The following TACR1 variants were observed in gnomAD, a reference collection of about 807,000 sequenced individuals.
TACR1 encodes the protein substance-P receptor.
In TACR1, 25 loss-of-function variants were observed where a neutral mutation model predicts 35.8. The observed-to-expected ratio is 0.70, with a 90% confidence interval of 0.51 to 0.98. The LOEUF is 0.98. TACR1 is among the 50% of genes least tolerant of loss of function. The pLI is 0.00. For missense variants in TACR1, 478 were observed against 522.9 expected (o/e 0.91, Z 0.84); for synonymous variants, 195 against 206.7 (o/e 0.94, Z 0.48).
intron 2 of TACR1, among the ~76,000 whole-genome samples, chr2:75,107,509 TGAAAGAAGGAAGGGGGAATGGAG>T (rs1380083837): frequency 6.8e-6 from 1 of 147,220 alleles, no homozygotes. Context: ...GAGGCAAGGA[TGAAAGAAGGAAGGGGGAATGGAG>T]GAAGCAAGGA....
chr2:75,145,548 A>C (rs540026589), intron 1 of TACR1, among the ~76,000 whole-genome samples: 1 of 152,366 alleles, frequency 6.6e-6, no homozygotes, highest in East Asian at 1.9e-4. Context: ...AATGTGTTAA[A>C]GATCAATAAC....
intron 1 of TACR1, among the ~76,000 whole-genome samples, chr2:75,174,344 G>A (rs1675362565): frequency 6.6e-6 from 1 of 152,142 alleles, no homozygotes; most frequent in Non-Finnish European, 1.5e-5. Context: ...GGATGGTACT[G>A]AACCCTATAT....
intron 1 of TACR1, 24 bp downstream of exon 1, chr2:75,198,522 C>T (rs777009990): frequency 1.9e-6 from 3 of 1,605,050 alleles, no homozygotes; most frequent in South Asian, 2.2e-5. Context: ...CACTTTCTCG[C>T]CTTTTCACAA....
intron 2 of TACR1, among the ~76,000 whole-genome samples, chr2:75,072,453 A>G (rs1672901215): frequency 6.6e-6 from 1 of 152,208 alleles, no homozygotes; most frequent in African/African-American, 2.4e-5. Flanking sequence ...ATATAAGGAA[A>G]ATATAGGGCA....
intron 2 of TACR1, among the ~76,000 whole-genome samples, chr2:75,103,880 A>G: frequency 6.6e-6 from 1 of 152,134 alleles, no homozygotes; most frequent in East Asian, 1.9e-4. Flanking sequence ...CCTCATGGTA[A>G]CCACAAAGCA....
At position 75,198,844 on chromosome 2, in the gene TACR1, G is replaced by T. The variant is rs200409378; in HGVS notation, c.91C>A (p.Gln31Lys). 1 of 1,614,146 alleles carries T rather than the reference G, an allele frequency of 6.2e-7. No homozygotes were observed. The highest frequency in any genetic ancestry group is 8.5e-7 in the Non-Finnish European group (1 of 1,180,032). The change falls in exon 1 of 5, where the codon CAA becomes AAA. Residue 31 changes from glutamine (Q) to lysine (K), a missense_variant. Transcript: ENST00000305249. The stretch of plus-strand genomic sequence containing the variant: ...TAGGCAGCTGCCCAAAGGACAATTT[G>T]CCAGGCTGGTTGCACGAACTGATTG... ...EPNQFVQPAW[Q>K]IVLWAAAYTV...
intron 1 of TACR1, among the ~76,000 whole-genome samples, chr2:75,148,691 A>C (rs967896590): frequency 6.6e-6 from 1 of 152,096 alleles, no homozygotes; most frequent in African/African-American, 2.4e-5. Flanking sequence ...TTCTGATGAT[A>C]GTTTCTTTTG....
chr2:75,184,126 G>A (rs1675627124), intron 1 of TACR1, among the ~76,000 whole-genome samples: 1 of 152,206 alleles, frequency 6.6e-6, no homozygotes, highest in Non-Finnish European at 1.5e-5. Flanking sequence ...AAATCTAATA[G>A]TGTGCTAAAA....
intron 2 of TACR1, among the ~76,000 whole-genome samples, chr2:75,095,470 G>A (rs1358715876): frequency 6.6e-6 from 1 of 152,184 alleles, no homozygotes; most frequent in Non-Finnish European, 1.5e-5. Context: ...TTGGAGAAGG[G>A]TAGGGTTGGA....
At chr2:75,109,481 A>G (rs973337832) in intron 2 of TACR1, among the ~76,000 whole-genome samples, 1 of 152,190 alleles carries the variant, frequency 6.6e-6, no homozygotes, top group African/African-American at 2.4e-5. Flanking sequence ...AAAAAGGGAA[A>G]ATGGTTGGAT....
At chr2:75,172,698 A>T (rs1238784215) in intron 1 of TACR1, among the ~76,000 whole-genome samples, 1 of 152,182 alleles carries the variant, frequency 6.6e-6, no homozygotes, top group Non-Finnish European at 1.5e-5. Flanking sequence ...AGCATCTGCA[A>T]TACCTGCTTC....
At chr2:75,169,469 A>C (rs951884310) in intron 1 of TACR1, among the ~76,000 whole-genome samples, 1 of 152,210 alleles carries the variant, frequency 6.6e-6, no homozygotes, top group Admixed American at 6.5e-5. Flanking sequence ...TAAAAATTCT[A>C]TATGGATTTT....
chr2:75,153,234 C>T (rs1194609526), intron 1 of TACR1, among the ~76,000 whole-genome samples: 1 of 152,158 alleles, frequency 6.6e-6, no homozygotes, highest in Non-Finnish European at 1.5e-5. Context: ...TAGGCAAAAG[C>T]TCAGCAGAGG....
chr2:75,069,560 C>G (rs1672834410), intron 2 of TACR1, among the ~76,000 whole-genome samples: 2 of 138,620 alleles, frequency 1.4e-5, no homozygotes. Flanking sequence ...CTGAGATATC[C>G]TTAGTTTTTC....
chr2:75,107,997 AT>A (rs3836193), intron 2 of TACR1, among the ~76,000 whole-genome samples: 183 of 152,170 alleles, frequency 1.2e-3, no homozygotes, highest in African/African-American at 4.2e-3. Flanking sequence ...TATGAAATAG[AT>A]TTTTTTCTTA....
At position 75,051,275 on chromosome 2, in the gene TACR1, A is replaced by C; in HGVS notation, c.908T>G (p.Ile303Ser). Residue 303 changes from isoleucine to serine, a missense_variant, in exon 4 of 5, where the codon ATC (isoleucine) becomes AGC (serine). By Grantham distance (142) the Ile-to-Ser change is moderately radical (BLOSUM62 -2). Coordinates refer to ENST00000305249, the MANE Select transcript of TACR1 (RefSeq NM_001058.4). ...CCTGTCATTGAGGCAGCAGTAGATGATGGGGTTGTACATGGTGGAGCTCAT... is the reference window on the plus strand; with the variant it reads ...CCTGTCATTGAGGCAGCAGTAGATGCTGGGGTTGTACATGGTGGAGCTCAT... ...LAMSSTMYNP[I>S]IYCCLNDRFR... 1 of 1,614,156 alleles carries C rather than the reference A, an allele frequency of 6.2e-7. No homozygotes were observed. The highest frequency in any genetic ancestry group is 8.5e-7 in the Non-Finnish European group (1 of 1,180,026).
Position 75,163,353 on chromosome 2 carries a change from T to C in TACR1, c.389+35193A>G, listed in dbSNP as rs150193615. On this transcript the variant is annotated intron_variant, in intron 1 of 4. Transcript: ENST00000305249. ...CAAGTTCTTTAGGACCTAAGAATAT[T>C]TATTTGCCTTGAATGAAAATGTGAA... Among the ~76,000 whole-genome samples the C allele has an allele frequency of 5.4e-4, 83 of 152,354 alleles. No individual in the cohort carries two copies. The East Asian group carries it at 0.012, about 22-fold the overall frequency.
intron 2 of TACR1, among the ~76,000 whole-genome samples, chr2:75,115,914 A>AAG (rs1456055283): frequency 2.0e-5 from 3 of 151,162 alleles, no homozygotes; most frequent in African/African-American, 7.3e-5. Context: ...CTCAAAAAAA[A>AAG]AAAAAAAAAA....
rs138048556 is a variant in TACR1 at position 75,191,081 on chromosome 2, C to T, written c.389+7465G>A. Among the ~76,000 whole-genome samples, 10 of 152,324 alleles carry T rather than the reference C, an allele frequency of 6.6e-5. No homozygotes were observed. The East Asian group carries it at 1.9e-3, about 29-fold the overall frequency. On this transcript the variant is annotated intron_variant, in intron 1 of 4. Transcript: ENST00000305249. ...GCACCTCTTCATCTTTGGTGCTCCT[C>T]ATCCAGAGAGCTTCATATTTCCCCT... is the stretch of plus-strand genomic sequence containing the variant.
Sources: allele counts gnomAD v4.1 joint callset (sites outside exome capture counted in the v4.1 genomes callset), GRCh38; gene constraint gnomAD v4.1.1; transcripts MANE v1.5; gene names NCBI Gene and HGNC (gene_info 2026-07-23, HGNC 2026-07-21).